UNC5C: variants seen among roughly 807,000 people sequenced by gnomAD.
UNC5C encodes unc-5 netrin receptor C, also known as netrin receptor UNC5C.
Under a neutral mutation model 99.8 loss-of-function variants are expected in UNC5C, and 47 were observed. The observed-to-expected ratio is 0.47, with a 90% CI of 0.37 to 0.60. The LOEUF (loss-of-function observed/expected upper bound fraction) is 0.60. UNC5C is among the 20% of genes least tolerant of loss of function. The pLI, the probability that UNC5C is intolerant of heterozygous loss-of-function variation, is 0.00. For missense variants in UNC5C, 1,062 were observed against 1,165.9 expected (o/e 0.91, Z 1.30); for synonymous variants, 487 against 452.2 (o/e 1.08, Z -0.98).
intron 11 of UNC5C, among the ~76,000 whole-genome samples, chr4:95,205,571 A>AT (rs1737845914): frequency 6.6e-6 from 1 of 152,018 alleles, no homozygotes; most frequent in African/African-American, 2.4e-5. Flanking sequence ...TTTTCTAAGA[A>AT]TTTTTTCCTA....
intron 3 of UNC5C, among the ~76,000 whole-genome samples, chr4:95,296,835 T>C (rs1393521585): frequency 1.3e-5 from 2 of 152,194 alleles, no homozygotes; most frequent in Non-Finnish European, 2.9e-5. Context: ...TAAACATGAT[T>C]AAAAGTATTT....
chr4:95,514,188 C>A lies in UNC5C; in HGVS notation c.124+34546G>T, dbSNP rs537849694. On this transcript the variant is annotated intron_variant, in intron 1 of 15. Transcript: ENST00000453304. Reference sequence around the variant, plus strand: ...TTCAAAAATTGTCAATAGTAAATAACAACCCAGTATCAAATCTGTTATAGA... The same window carrying A: ...TTCAAAAATTGTCAATAGTAAATAAAAACCCAGTATCAAATCTGTTATAGA... Among the ~76,000 whole-genome samples, 22 of 152,156 alleles carry A rather than the reference C, an allele frequency of 1.4e-4. 1 individual carries two copies. In the East Asian group the frequency reaches 1.7e-3, roughly 12 times the overall value.
chr4:95,295,789 G>GA (rs1475945696), intron 3 of UNC5C, among the ~76,000 whole-genome samples: 1 of 152,214 alleles, frequency 6.6e-6, no homozygotes, highest in African/African-American at 2.4e-5. Context: ...GGACAGAGTA[G>GA]AAAACCCATA....
intron 1 of UNC5C, among the ~76,000 whole-genome samples, chr4:95,527,165 A>C (rs1722520968): frequency 6.6e-6 from 1 of 152,150 alleles, no homozygotes. Flanking sequence ...ATCCAGTGAC[A>C]AAAATTAACT....
At chr4:95,522,217 T>C (rs1169985863) in intron 1 of UNC5C, among the ~76,000 whole-genome samples, 5 of 152,038 alleles carry the variant, frequency 3.3e-5, no homozygotes, top group African/African-American at 1.2e-4. Context: ...CTCTATATTT[T>C]AAAAGTTTGG....
chr4:95,325,249 G>C (rs1742843875), intron 2 of UNC5C, among the ~76,000 whole-genome samples: 1 of 152,124 alleles, frequency 6.6e-6, no homozygotes, highest in African/African-American at 2.4e-5. Flanking sequence ...TTTTAAGAGG[G>C]GGAATGACAA....
rs997481387 is a variant in UNC5C at position 95,507,630 on chromosome 4, G to T, written c.124+41104C>A. The stretch of plus-strand genomic sequence containing the variant: ...CATCCTTGTCCTGAAAAAATTCGTA[G>T]CCTCCCCTGATCACAACCATCATGT... On this transcript the variant is annotated intron_variant, in intron 1 of 15. Coordinates refer to ENST00000453304, the MANE Select transcript of UNC5C (RefSeq NM_003728.4). Among the ~76,000 whole-genome samples, 5 of 151,852 alleles carry T rather than the reference G, an allele frequency of 3.3e-5. No homozygotes were observed. The East Asian group carries it at 9.7e-4, about 29-fold the overall frequency.
In UNC5C at chr4:95,523,108, G is replaced by GGGC. The variant is rs565751681; in HGVS notation, c.124+25623_124+25625dup. ...GGGGGAGAGTGAGATGGTCAGGATA[G>GGGC]GGCAGAGGAGGGGCTGAGCAAGAAT... On this transcript the variant is annotated intron_variant, in intron 1 of 15. Transcript: ENST00000453304. Among the ~76,000 whole-genome samples the GGGC allele has an allele frequency of 2.4e-4, 37 of 152,324 alleles. No homozygotes were observed. In the East Asian group the frequency reaches 6.4e-3, roughly 26 times the overall value.
chr4:95,200,680 C>T (rs896086339), intron 12 of UNC5C, among the ~76,000 whole-genome samples: 3 of 152,172 alleles, frequency 2.0e-5, no homozygotes, highest in Non-Finnish European at 2.9e-5. Context: ...TGATATTCTT[C>T]CTGACCACTG....
chr4:95,546,921 G>T (rs190727793), intron 1 of UNC5C, among the ~76,000 whole-genome samples: 1 of 151,926 alleles, frequency 6.6e-6, no homozygotes, highest in Admixed American at 6.6e-5. Context: ...TTCTCTCACC[G>T]TGCCCCGTCC....
intron 1 of UNC5C, among the ~76,000 whole-genome samples, chr4:95,505,952 A>G (rs1439972404): frequency 6.6e-6 from 1 of 152,030 alleles, no homozygotes; most frequent in African/African-American, 2.4e-5. Context: ...GAGTAACTCT[A>G]AAGGGTTTTT....
intron 12 of UNC5C, among the ~76,000 whole-genome samples, chr4:95,185,867 A>G (rs2149351980): frequency 6.6e-6 from 1 of 152,328 alleles, no homozygotes; most frequent in African/African-American, 2.4e-5. Flanking sequence ...TAAACACCAA[A>G]TATTGAACTA....
intron 1 of UNC5C, among the ~76,000 whole-genome samples, chr4:95,439,708 T>A (rs1346862658): frequency 6.6e-6 from 1 of 152,158 alleles, no homozygotes; most frequent in African/African-American, 2.4e-5. Context: ...TGAGGTCAAA[T>A]AAATTTGGGA....
In UNC5C at chr4:95,421,489, T is replaced by C. The variant is rs560445571; in HGVS notation, c.125-85858A>G. Among the ~76,000 whole-genome samples the C allele has an allele frequency of 8.1e-5, 7 of 86,890 alleles. No individual in the cohort carries two copies. In the South Asian group the frequency reaches 1.7e-3, roughly 21 times the overall value. The allele number at this position is 86,890 out of a possible 152,430, so 57.0% of individuals were successfully genotyped here. On this transcript the variant is annotated intron_variant, in intron 1 of 15. Transcript: ENST00000453304. Reference sequence around the variant, plus strand: ...TGTTCTTTCAGGTACTATGGTAGATTTTTTTTTTTTCAAAGATTTGTTTTG... The same window carrying C: ...TGTTCTTTCAGGTACTATGGTAGATCTTTTTTTTTTCAAAGATTTGTTTTG...
intron 7 of UNC5C, among the ~76,000 whole-genome samples, chr4:95,231,940 C>T (rs1229099894): frequency 6.6e-6 from 1 of 152,112 alleles, no homozygotes. Flanking sequence ...ATCTAAATTG[C>T]CATGGTAATT....
chr4:95,467,284 A>G (rs1259995075), intron 1 of UNC5C, among the ~76,000 whole-genome samples: 1 of 152,206 alleles, frequency 6.6e-6, no homozygotes, highest in Non-Finnish European at 1.5e-5. Flanking sequence ...TTTGTTACGC[A>G]GCAATAGATA....
intron 1 of UNC5C, among the ~76,000 whole-genome samples, chr4:95,516,248 A>G (rs1722214881): frequency 6.6e-6 from 1 of 152,204 alleles, no homozygotes; most frequent in East Asian, 1.9e-4. Context: ...CTAAAATATG[A>G]TATCTTCATT....
At chr4:95,260,535 G>C (rs1740180987) in intron 4 of UNC5C, among the ~76,000 whole-genome samples, 1 of 152,118 alleles carries the variant, frequency 6.6e-6, no homozygotes, top group Admixed American at 6.5e-5. Flanking sequence ...TCTCTTCTTT[G>C]CTTTTCTCTC....
chr4:95,172,342 A>C (rs1390440602), intron 14 of UNC5C, among the ~76,000 whole-genome samples: 4 of 150,712 alleles, frequency 2.7e-5, no homozygotes, highest in Non-Finnish European at 4.5e-5. Flanking sequence ...GGTAATGCCT[A>C]GGTTTTCTTC....
Sources: gnomAD v4.1 joint callset for allele counts (sites outside exome capture counted in the v4.1 genomes callset) on GRCh38, gnomAD v4.1.1 for gene constraint, MANE v1.5 for transcripts, NCBI Gene and HGNC (gene_info 2026-07-23, HGNC 2026-07-21) for gene names.